SRPK2: variants seen among roughly 807,000 people sequenced by gnomAD.
SRPK2 encodes SRSF protein kinase 2.
Under a neutral mutation model 90.8 loss-of-function variants are expected in SRPK2, and 21 were observed. That is an observed-to-expected ratio of 0.23 (90% CI 0.16 to 0.33). The LOEUF (loss-of-function observed/expected upper bound fraction) is 0.33. Among genes scored for constraint, SRPK2 ranks in the 10% least tolerant of loss-of-function variants. The probability of loss-of-function intolerance (pLI) is 1.00; values close to 1 mark genes in which losing one functional copy is unlikely to be tolerated. For missense variants in SRPK2, 620 were observed against 869.0 expected, an observed-to-expected ratio of 0.71 and a Z score of 3.60; for synonymous variants, 288 against 311.1, an observed-to-expected ratio of 0.93 and a Z score of 0.78.
At chr7:105,269,273 T>C (rs1349497192) in intron 2 of SRPK2, among the ~76,000 whole-genome samples, 8 of 152,114 alleles carry the variant, frequency 5.3e-5, no homozygotes, top group Admixed American at 2.0e-4. Context: ...TAAACAGATA[T>C]GCAACCCTTG....
At chr7:105,369,724 A>G (rs997501007) in intron 2 of SRPK2, among the ~76,000 whole-genome samples, 17 of 152,212 alleles carry the variant, frequency 1.1e-4, no homozygotes, top group Middle Eastern at 3.4e-3. Flanking sequence ...ACAGGATAAG[A>G]TTCCCCATAA....
At chr7:105,263,690 A>T (rs1029829831) in intron 2 of SRPK2, among the ~76,000 whole-genome samples, 3 of 152,190 alleles carry the variant, frequency 2.0e-5, no homozygotes, top group Admixed American at 6.5e-5. Context: ...TCAATCTAGC[A>T]GAAAATATTA....
intron 2 of SRPK2, among the ~76,000 whole-genome samples, chr7:105,247,830 G>A (rs1453545711): frequency 6.6e-6 from 1 of 151,732 alleles, no homozygotes; most frequent in South Asian, 2.1e-4. Context: ...CCAAAGTACT[G>A]GGATTATAGG....
intron 2 of SRPK2, among the ~76,000 whole-genome samples, chr7:105,331,699 C>T (rs1274469947): frequency 1.3e-5 from 2 of 151,998 alleles, no homozygotes; most frequent in Non-Finnish European, 1.5e-5. Flanking sequence ...TGAAATCTAC[C>T]GGAAAACACA....
intron 2 of SRPK2, among the ~76,000 whole-genome samples, chr7:105,275,723 C>A (rs1304738252): frequency 2.0e-5 from 3 of 152,176 alleles, no homozygotes; most frequent in Non-Finnish European, 4.4e-5. Context: ...AAATGATGTC[C>A]CATGGGGTGG....
intron 15 of SRPK2, among the ~76,000 whole-genome samples, chr7:105,124,010 A>G (rs981138373): frequency 1.3e-5 from 2 of 152,270 alleles, no homozygotes; most frequent in African/African-American, 2.4e-5. Context: ...AGTCCTAAGT[A>G]TACGTGGTGA....
intron 1 of SRPK2, among the ~76,000 whole-genome samples, chr7:105,394,899 G>A (rs1444274394): frequency 2.0e-5 from 3 of 152,192 alleles, no homozygotes; most frequent in Admixed American, 6.6e-5. Context: ...AGCCGGGCGC[G>A]GTGGCTTACG....
chr7:105,274,393 C>G (rs1030961691), intron 2 of SRPK2, among the ~76,000 whole-genome samples: 1 of 152,048 alleles, frequency 6.6e-6, no homozygotes, highest in African/African-American at 2.4e-5. Flanking sequence ...GAAACACCAA[C>G]TCTACTAAAA....
At chr7:105,228,534 T>C (rs1253169275) in intron 2 of SRPK2, among the ~76,000 whole-genome samples, 2 of 152,312 alleles carry the variant, frequency 1.3e-5, no homozygotes, top group African/African-American at 4.8e-5. Context: ...AAAAAAAGTT[T>C]TTGGAGACGG....
At chr7:105,306,662 A>C in intron 2 of SRPK2, 1 of 358,270 alleles carries the variant, frequency 2.8e-6, no homozygotes. Context: ...TTGGAAAAGC[A>C]TTTAACCGAA....
intron 2 of SRPK2, among the ~76,000 whole-genome samples, chr7:105,281,332 G>A (rs957884696): frequency 2.0e-5 from 3 of 152,074 alleles, no homozygotes; most frequent in Non-Finnish European, 4.4e-5. Flanking sequence ...CTGACCTCAA[G>A]TGATCTATCC....
chr7:105,398,791 T>TG (rs1237380044), intron 1 of SRPK2, among the ~76,000 whole-genome samples: 5 of 152,232 alleles, frequency 3.3e-5, no homozygotes, highest in African/African-American at 1.2e-4. Context: ...AGAGCCAGAC[T>TG]GCCAGAGTTC....
At chr7:105,136,943 A>G (rs1487338905) in intron 11 of SRPK2, among the ~76,000 whole-genome samples, 1 of 152,218 alleles carries the variant, frequency 6.6e-6, no homozygotes, top group African/African-American at 2.4e-5. Flanking sequence ...ACTGGTTGAA[A>G]ATATGGGCAA....
intron 3 of SRPK2, among the ~76,000 whole-genome samples, chr7:105,175,248 G>C (rs1329936377): frequency 6.6e-6 from 1 of 151,626 alleles, no homozygotes; most frequent in Non-Finnish European, 1.5e-5. Context: ...CAGAAATTTG[G>C]AAACTAAGTA....
intron 2 of SRPK2, among the ~76,000 whole-genome samples, chr7:105,327,752 T>C (rs1386934415): frequency 1.3e-5 from 2 of 152,252 alleles, no homozygotes; most frequent in Non-Finnish European, 2.9e-5. Context: ...AGATACTTAA[T>C]ACAGATTAGC....
intron 2 of SRPK2, chr7:105,205,853 T>C: frequency 2.0e-6 from 1 of 500,964 alleles, no homozygotes; most frequent in Non-Finnish European, 4.0e-6. Context: ...ATTTCCTCAA[T>C]GAGAAATACT....
rs916742671 is a variant in SRPK2 at position 105,167,371 on chromosome 7, G to A, written c.514+6C>T. The A allele has an allele frequency of 6.2e-7, 1 of 1,606,728 alleles. No homozygotes were observed. Among genetic ancestry groups the A allele is most frequent in the African/African-American group, 1.3e-5 (1 of 74,676 alleles). ...AAATACAAATAAATCAGGAAGTAAA[G>A]GATACGTATCCCATTCATGCCTGAA... On this transcript the variant is annotated splice_donor_region_variant and intron_variant, in intron 6 of 15. Transcript: ENST00000393651.
chr7:105,244,726 G>A lies in SRPK2; in HGVS notation c.72-40941C>T, dbSNP rs888632609. On this transcript the variant is annotated intron_variant, in intron 2 of 15. Transcript: ENST00000393651. Reference sequence around the variant, plus strand: ...TGACCAAGAACGTGAGCGAGCCCAGGCACAGCCGCCGCCGCGGGCGTCTGA... The same window carrying A: ...TGACCAAGAACGTGAGCGAGCCCAGACACAGCCGCCGCCGCGGGCGTCTGA... 10 of 1,161,528 alleles carry A rather than the reference G, an allele frequency of 8.6e-6. No individual in the cohort carries two copies. The East Asian group carries it at 1.9e-4, about 22-fold the overall frequency. The allele number at this position is 1,161,528 out of a possible 1,614,324, so 72.0% of individuals were successfully genotyped here.
intron 2 of SRPK2, chr7:105,301,936 T>G (rs1810599657): frequency 6.2e-7 from 1 of 1,609,354 alleles, no homozygotes; most frequent in Non-Finnish European, 8.5e-7. Flanking sequence ...CCCCATCAAG[T>G]AAGAAAAAAG....
Sources: gnomAD v4.1 joint callset for allele counts (sites outside exome capture counted in the v4.1 genomes callset) on GRCh38, gnomAD v4.1.1 for gene constraint, MANE v1.5 for transcripts, NCBI Gene and HGNC (gene_info 2026-07-23, HGNC 2026-07-21) for gene names.